Variants in BIRC6 observed in about 807,000 individuals in gnomAD.
BIRC6 encodes the protein baculoviral IAP repeat containing 6.
BIRC6 carries 98 observed loss-of-function variants against 503.3 expected under a neutral mutation model. The observed-to-expected ratio is 0.19, with a 90% CI of 0.17 to 0.23. BIRC6 has a LOEUF of 0.23. BIRC6 is among the 10% of genes least tolerant of loss of function. The pLI is 1.00. For missense variants in BIRC6, 5,360 were observed against 5,806.0 expected (o/e 0.92, Z 2.50); for synonymous variants, 2,240 against 2,078.7 (o/e 1.08, Z -2.11).
At position 32,476,357 on chromosome 2, in the gene BIRC6, C is replaced by G; in HGVS notation, c.6852+13C>G. On this transcript the variant is annotated intron_variant, in intron 34 of 73. Coordinates refer to ENST00000421745, the MANE Select transcript of BIRC6 (RefSeq NM_016252.4). ...GGCCACTTCAAAGGTATGATCTATA[C>G]TTTTCAATATAGTTATCTCAGAAAA... is the stretch of plus-strand genomic sequence containing the variant. 2 of 1,559,076 alleles carry G rather than the reference C, an allele frequency of 1.3e-6. No homozygotes were observed. The highest frequency in any genetic ancestry group is 1.7e-6 in the Non-Finnish European group (2 of 1,153,094).
intron 65 of BIRC6, chr2:32,566,001 C>G (rs2059509371): frequency 6.6e-6 from 1 of 152,076 alleles, no homozygotes; most frequent in Non-Finnish European, 1.5e-5. Flanking sequence ...ACAGCCAAAC[C>G]ATATCACATA....
chr2:32,593,881 T>C, intron 66 of BIRC6, 34 bp from the exon 67 acceptor site: 1 of 1,581,286 alleles, frequency 6.3e-7, no homozygotes, highest in Non-Finnish European at 8.7e-7. Flanking sequence ...ATCTTAATTT[T>C]CCTTGCTTTT....
intron 38 of BIRC6, among the ~76,000 whole-genome samples, chr2:32,481,995 T>A (rs2050457477): frequency 6.6e-6 from 1 of 152,194 alleles, no homozygotes; most frequent in Admixed American, 6.5e-5. Flanking sequence ...CTCATAATTA[T>A]CATACAATAA....
intron 65 of BIRC6, among the ~76,000 whole-genome samples, chr2:32,559,832 G>T (rs2059035676): frequency 6.6e-6 from 1 of 152,002 alleles, no homozygotes; most frequent in African/African-American, 2.4e-5. Context: ...TGGCCAACAT[G>T]GTGAAACCCT....
At chr2:32,558,574 A>G (rs1320901917) in intron 65 of BIRC6, 2 of 152,224 alleles carry the variant, frequency 1.3e-5, no homozygotes. Context: ...CAGATTAAAC[A>G]CATCACATAT....
intron 9 of BIRC6, among the ~76,000 whole-genome samples, chr2:32,407,445 C>CAAAAAA (rs760585710): frequency 8.6e-5 from 6 of 69,822 alleles, no homozygotes; most frequent in Admixed American, 1.5e-4. Flanking sequence ...AACTCTGTCT[C>CAAAAAA]AAAAAAAAAA....
intron 65 of BIRC6, among the ~76,000 whole-genome samples, chr2:32,561,214 A>G (rs1006532401): frequency 2.1e-5 from 3 of 140,450 alleles, no homozygotes; most frequent in African/African-American, 5.3e-5. Flanking sequence ...AAAAAAATTG[A>G]CCTCCAAGTA....
At chr2:32,382,607 A>G (rs1403765416) in intron 3 of BIRC6, among the ~76,000 whole-genome samples, 1 of 152,246 alleles carries the variant, frequency 6.6e-6, no homozygotes, top group Non-Finnish European at 1.5e-5. Context: ...GTAGATTTGG[A>G]GCTCAGAGAC....
Position 32,512,818 on chromosome 2 carries a change from A to T in BIRC6, c.10347-115A>T, listed in dbSNP as rs546297937. The T allele has an allele frequency of 8.8e-5, 65 of 737,448 alleles. 1 individual carries two copies. In the South Asian group the frequency reaches 1.2e-3, roughly 14 times the overall value. The allele number at this position is 737,448 out of a possible 1,614,324, so 45.7% of individuals were successfully genotyped here. On this transcript the variant is annotated intron_variant, in intron 53 of 73. Coordinates refer to ENST00000421745, the MANE Select transcript of BIRC6 (RefSeq NM_016252.4). Reference sequence around the variant, plus strand: ...TTTTAGATTAAAATAATCAAAAACAATTAGTGCATTATTCTCATAAATACC... The same window carrying T: ...TTTTAGATTAAAATAATCAAAAACATTTAGTGCATTATTCTCATAAATACC...
chr2:32,468,774 G>T lies in BIRC6; in HGVS notation c.6118G>T (p.Ala2040Ser), dbSNP rs1398097168. ...LLDTLLSLLH[A>S]SNGHSVPAVL... Reference sequence around the variant, plus strand: ...GGACACTTTGCTCAGCCTGCTTCATGCTTCTAATGGTTTGTATTTGGCTTA... The same window carrying T: ...GGACACTTTGCTCAGCCTGCTTCATTCTTCTAATGGTTTGTATTTGGCTTA... Residue 2040 changes from alanine (A) to serine (S), a missense_variant, in exon 29 of 74, where the codon GCT becomes TCT. Coordinates refer to ENST00000421745, the MANE Select transcript of BIRC6 (RefSeq NM_016252.4). 5 of 1,590,020 alleles carry T rather than the reference G, an allele frequency of 3.1e-6. No individual in the cohort carries two copies. The East Asian group carries it at 9.0e-5, about 29-fold the overall frequency.
intron 71 of BIRC6, among the ~76,000 whole-genome samples, chr2:32,604,635 T>G (rs915847259): frequency 1.3e-5 from 2 of 152,228 alleles, no homozygotes; most frequent in African/African-American, 4.8e-5. Flanking sequence ...AAACTTTATA[T>G]TTTTCTCTCA....
At position 32,443,663 on chromosome 2, in the gene BIRC6, A is replaced by G. The variant is rs1444148905; in HGVS notation, c.4336+75A>G. ...TCATATGTATACTTAGGATTATTTC[A>G]TAACTACTTTTTCTCTATTAAAGTT... On this transcript the variant is annotated intron_variant, in intron 20 of 73. Transcript: ENST00000421745. 3.1e-5 allele frequency: 36 copies of G among 1,150,314 alleles called. No individual in the cohort carries two copies. In the South Asian group the frequency reaches 4.1e-4, roughly 13 times the overall value. 71.3% of individuals were successfully genotyped at this position (1,150,314 alleles called of 1,614,324 possible). A position where few individuals can be genotyped will look rare whatever the true frequency, so the allele number is the denominator to read the frequency against.
rs1366156391 is a variant in BIRC6 at position 32,482,418 on chromosome 2, A to G, written c.7543-11A>G. On this transcript the variant is annotated splice_polypyrimidine_tract_variant and intron_variant, in intron 38 of 73. Coordinates refer to ENST00000421745, the MANE Select transcript of BIRC6 (RefSeq NM_016252.4). ...AAAAATAAACCACAGTTTTTTTTCC[A>G]TTCTTTTAAGCCAATAAGCAGTACA... is the stretch of plus-strand genomic sequence containing the variant. 6.3e-7 allele frequency: 1 copy of G among 1,599,614 alleles called. No homozygotes were observed. Among genetic ancestry groups the G allele is most frequent in the Non-Finnish European group, 8.5e-7 (1 of 1,173,124 alleles).
intron 44 of BIRC6, among the ~76,000 whole-genome samples, chr2:32,492,190 G>T (rs2051812850): frequency 6.6e-6 from 1 of 151,960 alleles, no homozygotes; most frequent in South Asian, 2.1e-4. Flanking sequence ...TCTTGGATTT[G>T]CCGTCAGATA....
chr2:32,442,635 G>T (rs971423285), intron 19 of BIRC6, among the ~76,000 whole-genome samples, 180 bp downstream of exon 19: 1 of 152,162 alleles, frequency 6.6e-6, no homozygotes, highest in Non-Finnish European at 1.5e-5. Flanking sequence ...AGGGGAAAGT[G>T]TCATGTTAAA....
At position 32,509,685 on chromosome 2, in the gene BIRC6, C is replaced by T. The variant is rs942673547; in HGVS notation, c.9981-53C>T. ...ATCTTTAAAAAGTTATGTTCTACCC[C>T]GAAGTGATTTGAGCGACTTATATTG... On this transcript the variant is annotated intron_variant, in intron 51 of 73. Transcript: ENST00000421745. 5.2e-5 allele frequency: 84 copies of T among 1,600,950 alleles called. No individual in the cohort carries two copies. The South Asian group carries it at 7.7e-4, about 15-fold the overall frequency.
intron 1 of BIRC6, among the ~76,000 whole-genome samples, chr2:32,376,311 C>T (rs76468266): frequency 6.6e-6 from 1 of 152,114 alleles, no homozygotes; most frequent in African/African-American, 2.4e-5. Flanking sequence ...TGGTGGTACT[C>T]ATAACACTTG....
At chr2:32,503,634 C>T (rs1402486512) in intron 49 of BIRC6, among the ~76,000 whole-genome samples, 1 of 152,024 alleles carries the variant, frequency 6.6e-6, no homozygotes, top group Non-Finnish European at 1.5e-5. Context: ...GTTGGCCAGG[C>T]TGGTCTTGAA....
At chr2:32,473,373 T>C (rs2049319716) in intron 33 of BIRC6, 134 bp downstream of exon 33, 1 of 686,438 alleles carries the variant, frequency 1.5e-6, no homozygotes, top group South Asian at 2.3e-5. Context: ...TCTAACACTT[T>C]GGAGACTTCA....
Sources: allele counts gnomAD v4.1 joint callset (sites outside exome capture counted in the v4.1 genomes callset), GRCh38; gene constraint gnomAD v4.1.1; transcripts MANE v1.5; gene names NCBI Gene and HGNC (gene_info 2026-07-23, HGNC 2026-07-21).